The following UGT1A5 variants were observed in gnomAD, a reference collection of about 807,000 sequenced individuals.
UGT1A5 encodes UDP-glucuronosyltransferase 1A5.
UGT1A5 carries 29 observed loss-of-function variants against 40.3 expected under a neutral mutation model. The observed-to-expected ratio is 0.72, with a 90% CI of 0.54 to 0.98. The LOEUF (loss-of-function observed/expected upper bound fraction) is 0.98, where lower values mean the gene tolerates loss of function less well. Ranked by LOEUF, UGT1A5 falls within the 50% of genes least tolerant of loss-of-function variation. The pLI is 0.00. For missense variants in UGT1A5, 678 were observed against 677.9 expected, an observed-to-expected ratio of 1.00 and a Z score of 0.00; for synonymous variants, 257 against 262.5, an observed-to-expected ratio of 0.98 and a Z score of 0.20.
chr2:233,720,145 C>T (rs1311808159), intron 1 of UGT1A5, among the ~76,000 whole-genome samples: 2 of 152,118 alleles, frequency 1.3e-5, no homozygotes, highest in Non-Finnish European at 2.9e-5. Context: ...CCTAGGCACT[C>T]ACAGGAAGTA....
intron 1 of UGT1A5, chr2:233,754,965 T>A (rs1303021739): frequency 7.7e-7 from 1 of 1,306,100 alleles, no homozygotes; most frequent in East Asian, 4.6e-5. Flanking sequence ...GCCAAAGAAC[T>A]CCCTGAAGAC....
intron 1 of UGT1A5, among the ~76,000 whole-genome samples, chr2:233,731,936 T>G (rs924975357): frequency 2.0e-5 from 3 of 152,218 alleles, no homozygotes; most frequent in African/African-American, 7.2e-5. Context: ...CCACATCCTC[T>G]CCAACATCTG....
chr2:233,746,266 G>A (rs573360161), intron 1 of UGT1A5, among the ~76,000 whole-genome samples: 7 of 151,810 alleles, frequency 4.6e-5, no homozygotes, highest in South Asian at 4.1e-4. Context: ...AGAACAAAAC[G>A]CTGTGGGGAT....
intron 1 of UGT1A5, among the ~76,000 whole-genome samples, chr2:233,750,198 C>T (rs914711353): frequency 6.6e-6 from 1 of 151,796 alleles, no homozygotes; most frequent in African/African-American, 2.4e-5. Context: ...ACAATGAAGT[C>T]CAGGCTGAGT....
intron 1 of UGT1A5, among the ~76,000 whole-genome samples, chr2:233,757,409 T>C (rs1456650401): frequency 6.6e-6 from 1 of 151,334 alleles, no homozygotes; most frequent in Non-Finnish European, 1.5e-5. Context: ...ATGCAGGGTC[T>C]AGAACGAAAA....
chr2:233,772,514 G>C lies in UGT1A5; in HGVS notation c.1560G>C (p.Gly520=). ...CTTATGGCTACCGGAAATGCTTGGGGAAAAAAGGGCGAGTTAAGAAAGCCC... is the reference window on the plus strand; with the variant it reads ...CTTATGGCTACCGGAAATGCTTGGGCAAAAAAGGGCGAGTTAAGAAAGCCC... ...CCAYGYRKCL[G]KKGRVKKAHK... Residue 520 remains glycine, a synonymous_variant, in exon 5 of 5, where the codon GGG becomes GGC. Transcript: ENST00000373414. The C allele has an allele frequency of 6.2e-7, 1 of 1,614,126 alleles. No individual in the cohort carries two copies. Among genetic ancestry groups the C allele is most frequent in the Non-Finnish European group, 8.5e-7 (1 of 1,180,014 alleles).
At chr2:233,755,342 A>G in intron 1 of UGT1A5, 1 of 423,680 alleles carries the variant, frequency 2.4e-6, no homozygotes, top group Non-Finnish European at 4.1e-6. Flanking sequence ...CGCACAGGTC[A>G]GAGGCTTGGC....
At chr2:233,771,266 TTTTC>T (rs1700270540) in intron 4 of UGT1A5, 1 of 152,178 alleles carries the variant, frequency 6.6e-6, no homozygotes, top group Non-Finnish European at 1.5e-5. Context: ...GTGCCTTTTT[TTTTC>T]TTTCTTCTCC....
In UGT1A5 at chr2:233,772,482, T is replaced by G. The variant is rs780493798; in HGVS notation, c.1528T>G (p.Cys510Gly). Residue 510 changes from cysteine to glycine, a missense_variant, in exon 5 of 5, where the codon TGT becomes GGT. Transcript: ENST00000373414. ...GACAGTGGCCTTCATCACCTTTAAATGTTGTGCTTATGGCTACCGGAAATG... is the reference window on the plus strand; with the variant it reads ...GACAGTGGCCTTCATCACCTTTAAAGGTTGTGCTTATGGCTACCGGAAATG... Reference protein sequence around the residue: ...VLTVAFITFKCCAYGYRKCLG... With the variant: ...VLTVAFITFKGCAYGYRKCLG... 5.0e-6 allele frequency: 8 copies of G among 1,614,124 alleles called. No homozygotes were observed. The Admixed American group carries it at 1.3e-4, about 27-fold the overall frequency.
intron 1 of UGT1A5, among the ~76,000 whole-genome samples, chr2:233,737,955 G>A (rs1690643843): frequency 6.6e-6 from 1 of 151,990 alleles, no homozygotes; most frequent in African/African-American, 2.4e-5. Context: ...TTCCCAACAT[G>A]AGGTCACACT....
At chr2:233,755,222 G>A in intron 1 of UGT1A5, 1 of 994,216 alleles carries the variant, frequency 1.0e-6, no homozygotes, top group Admixed American at 1.9e-5. Flanking sequence ...TGATACCCTC[G>A]GACGAGGCCT....
At chr2:233,747,673 T>G in intron 1 of UGT1A5, 1 of 1,605,188 alleles carries the variant, frequency 6.2e-7, no homozygotes, top group Non-Finnish European at 8.5e-7. Context: ...ATAGACCCAA[T>G]TTACCTCTGT....
intron 1 of UGT1A5, 64 bp downstream of exon 1, chr2:233,713,922 A>G (rs1251047267): frequency 1.2e-6 from 2 of 1,612,068 alleles, no homozygotes; most frequent in Non-Finnish European, 1.7e-6. Flanking sequence ...AAATGTATTT[A>G]CTTACAAGTG....
At position 233,767,125 on chromosome 2, in the gene UGT1A5, C is replaced by T. The variant is rs775405878; in HGVS notation, c.959C>T (p.Ala320Val). 2.5e-6 allele frequency: 4 copies of T among 1,614,092 alleles called. No individual in the cohort carries two copies. Among genetic ancestry groups the T allele is most frequent in the Non-Finnish European group, 3.4e-6 (4 of 1,180,014 alleles). The part of the protein sequence containing the change: ...SMVSEIPEKK[A>V]MAIADALGKI... ...GTCTCAGAAATTCCAGAGAAGAAAG[C>T]TATGGCAATTGCTGATGCTTTGGGC... Residue 320 changes from alanine to valine, a missense_variant, in exon 2 of 5, where the codon GCT becomes GTT. By Grantham distance (64) the Ala-to-Val change is moderately conservative. Coordinates refer to ENST00000373414, the MANE Select transcript of UGT1A5 (RefSeq NM_019078.2).
Position 233,772,251 on chromosome 2 carries a change from T to C in UGT1A5, c.1308-11T>C, listed in dbSNP as rs1700493926. On this transcript the variant is annotated splice_polypyrimidine_tract_variant and intron_variant, in intron 4 of 4. Coordinates refer to ENST00000373414, the MANE Select transcript of UGT1A5 (RefSeq NM_019078.2). ...GTGTTCCAGGCATAACGAAACTGTCTTTGTGTTTAGTTACAAGGAGAACAT... is the reference window on the plus strand; with the variant it reads ...GTGTTCCAGGCATAACGAAACTGTCCTTGTGTTTAGTTACAAGGAGAACAT... The C allele has an allele frequency of 2.5e-6, 4 of 1,614,250 alleles. No homozygotes were observed. The East Asian group carries it at 8.9e-5, about 36-fold the overall frequency.
chr2:233,747,509 G>A (rs1693700205), intron 1 of UGT1A5: 24 of 1,607,862 alleles, frequency 1.5e-5, no homozygotes, highest in Non-Finnish European at 1.9e-5. Flanking sequence ...ACACTCAACT[G>A]TACTTTGAAA....
chr2:233,740,379 T>C (rs1691378292), intron 1 of UGT1A5, among the ~76,000 whole-genome samples: 1 of 151,912 alleles, frequency 6.6e-6, no homozygotes, highest in Admixed American at 6.5e-5. Flanking sequence ...AGGTAAGTTG[T>C]TGTGTGAATT....
In UGT1A5 at chr2:233,720,107, C is replaced by T. The variant is rs542335836; in HGVS notation, c.867+6249C>T. ...GATAATTTTTAGTGGTCCCATCTTGCGAAAGATACAGAGGTGACCACAGGA... is the reference window on the plus strand; with the variant it reads ...GATAATTTTTAGTGGTCCCATCTTGTGAAAGATACAGAGGTGACCACAGGA... On this transcript the variant is annotated intron_variant, in intron 1 of 4. Transcript: ENST00000373414. Among the ~76,000 whole-genome samples, 144 of 152,152 alleles carry T rather than the reference C, an allele frequency of 9.5e-4. 1 individual carries two copies. Among genetic ancestry groups the T allele is most frequent in the African/African-American group, 3.2e-3 (134 of 41,490 alleles).
chr2:233,761,272 T>C (rs1697733623), intron 1 of UGT1A5: 1 of 1,579,126 alleles, frequency 6.3e-7, no homozygotes, highest in African/African-American at 1.3e-5. Flanking sequence ...AATGCCCTCT[T>C]TTGTTAATTT....
Sources: gnomAD v4.1 joint callset for allele counts (sites outside exome capture counted in the v4.1 genomes callset) on GRCh38, gnomAD v4.1.1 for gene constraint, MANE v1.5 for transcripts, NCBI Gene and HGNC (gene_info 2026-07-23, HGNC 2026-07-21) for gene names.